The following LPP variants were observed in gnomAD, a reference collection of about 807,000 sequenced individuals.
The protein encoded by LPP is lipoma-preferred partner.
In LPP, 38 loss-of-function variants were observed where a neutral mutation model predicts 60.4. That is an observed-to-expected ratio of 0.63 (90% confidence interval 0.49 to 0.83). The LOEUF is 0.83. Ranked by LOEUF, LPP falls within the 40% of genes least tolerant of loss-of-function variation. The probability of loss-of-function intolerance (pLI) is 0.00; values close to 1 mark genes in which losing one functional copy is unlikely to be tolerated. For missense variants in LPP, 902 were observed against 783.6 expected (o/e 1.15, Z -1.80); for synonymous variants, 328 against 290.8 (o/e 1.13, Z -1.30).
chr3:188,385,728 G>C (rs1039363821), intron 3 of LPP, among the ~76,000 whole-genome samples: 14 of 152,138 alleles, frequency 9.2e-5, no homozygotes, highest in African/African-American at 3.4e-4. Flanking sequence ...AGATGATAAA[G>C]GCATAGTTTC....
rs1831726299 is a variant in LPP, at chr3:188,564,846, A to G, written c.429+40059A>G. 2.0e-5 allele frequency among the ~76,000 whole-genome samples: 3 copies of G among 151,806 alleles called. No individual in the cohort carries two copies. The South Asian group carries it at 6.2e-4, about 32-fold the overall frequency. On this transcript the variant is annotated intron_variant, in intron 6 of 11. Coordinates refer to ENST00000617246, the MANE Select transcript of LPP (RefSeq NM_001375462.1). ...TTGGACAAGGACTTAGCTTTCTTCA[A>G]TTTTCCTTCTGTTTTCTGTGGCAGC...
rs139083935 is a variant in LPP, at chr3:188,187,015, A to G, written c.-190+32763A>G. On this transcript the variant is annotated intron_variant, in intron 1 of 11. Transcript: ENST00000617246. ...AACTTTTGACAGTTTCGCTTCACTCACTATTTTGTAAGATGAAGATATTAG... is the reference window on the plus strand; with the variant it reads ...AACTTTTGACAGTTTCGCTTCACTCGCTATTTTGTAAGATGAAGATATTAG... Among the ~76,000 whole-genome samples, 690 of 152,136 alleles carry G rather than the reference A, an allele frequency of 4.5e-3. 1 individual carries two copies. Among genetic ancestry groups the G allele is most frequent in the South Asian group, 0.013 (62 of 4,810 alleles).
chr3:188,583,107 G>T (rs1836630505), intron 6 of LPP, among the ~76,000 whole-genome samples: 1 of 152,174 alleles, frequency 6.6e-6, no homozygotes, highest in Admixed American at 6.5e-5. Flanking sequence ...TAGGAAAACA[G>T]GCTCTGAAGT....
intron 7 of LPP, among the ~76,000 whole-genome samples, chr3:188,705,113 C>A (rs571739465): frequency 2.1e-4 from 32 of 152,268 alleles, no homozygotes; most frequent in African/African-American, 7.7e-4. Flanking sequence ...GATTTATATT[C>A]ATGGATTACA....
At chr3:188,440,964 T>TGC (rs1030803546) in intron 4 of LPP, among the ~76,000 whole-genome samples, 3 of 151,030 alleles carry the variant, frequency 2.0e-5, no homozygotes, top group Non-Finnish European at 4.4e-5. Flanking sequence ...TGTGTGTGTG[T>TGC]GTGTGTGCGC....
At chr3:188,820,647 A>C (rs1235148990) in intron 9 of LPP, among the ~76,000 whole-genome samples, 1 of 152,186 alleles carries the variant, frequency 6.6e-6, no homozygotes, top group Non-Finnish European at 1.5e-5. Context: ...ACATACCACA[A>C]AGTGCTTAAC....
At chr3:188,277,447 C>T (rs1049128390) in intron 2 of LPP, among the ~76,000 whole-genome samples, 2 of 152,168 alleles carry the variant, frequency 1.3e-5, no homozygotes, top group Non-Finnish European at 2.9e-5. Flanking sequence ...GCTTCTATCC[C>T]AGAGGAGGTG....
At chr3:188,585,519 G>C (rs1837240045) in intron 6 of LPP, among the ~76,000 whole-genome samples, 1 of 152,170 alleles carries the variant, frequency 6.6e-6, no homozygotes, top group African/African-American at 2.4e-5. Flanking sequence ...AAAAAGGGAA[G>C]AGACAAAGAG....
chr3:188,573,082 C>G (rs1833871861), intron 6 of LPP, among the ~76,000 whole-genome samples: 1 of 152,084 alleles, frequency 6.6e-6, no homozygotes, highest in African/African-American at 2.4e-5. Context: ...GGTTGACAAT[C>G]ATTGTGTGCT....
At chr3:188,187,929 A>G (rs938520345) in intron 1 of LPP, among the ~76,000 whole-genome samples, 2 of 152,090 alleles carry the variant, frequency 1.3e-5, no homozygotes, top group African/African-American at 4.8e-5. Context: ...CTGAATATTC[A>G]TAGACATTCT....
intron 4 of LPP, among the ~76,000 whole-genome samples, chr3:188,416,375 C>G (rs1188847965): frequency 6.6e-6 from 1 of 152,196 alleles, no homozygotes; most frequent in East Asian, 1.9e-4. Context: ...ATCAAAATAT[C>G]TGGCCATGGG....
intron 4 of LPP, among the ~76,000 whole-genome samples, chr3:188,443,460 A>T (rs1794521202): frequency 6.6e-6 from 1 of 152,164 alleles, no homozygotes; most frequent in African/African-American, 2.4e-5. Flanking sequence ...TCCAATAGAG[A>T]TGGAAAGTAT....
intron 7 of LPP, among the ~76,000 whole-genome samples, chr3:188,647,251 A>G (rs899334754): frequency 3.3e-5 from 5 of 152,196 alleles, no homozygotes; most frequent in African/African-American, 4.8e-5. Context: ...TTGGGATGCC[A>G]GCTGTGGTCC....
intron 6 of LPP, among the ~76,000 whole-genome samples, chr3:188,539,288 A>G (rs560908789): frequency 1.3e-5 from 2 of 152,330 alleles, no homozygotes; most frequent in African/African-American, 4.8e-5. Flanking sequence ...GAAAAATGCA[A>G]TCTAACAGTT....
intron 8 of LPP, among the ~76,000 whole-genome samples, chr3:188,753,962 A>G (rs1577353875): frequency 1.3e-5 from 2 of 152,312 alleles, no homozygotes; most frequent in Admixed American, 6.5e-5. Flanking sequence ...AGATATGATA[A>G]AAACTCTTGT....
At chr3:188,470,759 A>T (rs879757164) in intron 4 of LPP, among the ~76,000 whole-genome samples, 1 of 152,160 alleles carries the variant, frequency 6.6e-6, no homozygotes, top group Non-Finnish European at 1.5e-5. Flanking sequence ...CAGAGGTGTG[A>T]GCAAAGTCTT....
chr3:188,775,417 T>C (rs756103619), intron 9 of LPP, among the ~76,000 whole-genome samples: 1 of 152,182 alleles, frequency 6.6e-6, no homozygotes, highest in Non-Finnish European at 1.5e-5. Context: ...TGCTAGACAT[T>C]CAGTAGGGCC....
intron 7 of LPP, among the ~76,000 whole-genome samples, chr3:188,700,764 C>G (rs972278030): frequency 1.3e-5 from 2 of 152,122 alleles, no homozygotes; most frequent in African/African-American, 2.4e-5. Flanking sequence ...ATGGAAATCT[C>G]TGTCATAATG....
chr3:188,696,893 T>C (rs1393693074), intron 7 of LPP, among the ~76,000 whole-genome samples: 1 of 152,186 alleles, frequency 6.6e-6, no homozygotes, highest in Non-Finnish European at 1.5e-5. Context: ...GCCTAATTAA[T>C]TACTATTATT....
Sources: gnomAD v4.1 joint callset for allele counts (sites outside exome capture counted in the v4.1 genomes callset) on GRCh38, gnomAD v4.1.1 for gene constraint, MANE v1.5 for transcripts, NCBI Gene and HGNC (gene_info 2026-07-23, HGNC 2026-07-21) for gene names.